DLGAP1: variants seen among roughly 807,000 people sequenced by gnomAD.
The protein encoded by DLGAP1 is disks large-associated protein 1.
A neutral mutation model predicts 90.8 loss-of-function variants in DLGAP1; 11 were observed. The ratio of observed to expected loss-of-function variants is 0.12; its 90% CI spans 0.08 to 0.20. The LOEUF (loss-of-function observed/expected upper bound fraction) is 0.20, where lower values mean the gene tolerates loss of function less well. Ranked by LOEUF, DLGAP1 falls within the 10% of genes least tolerant of loss-of-function variation. The pLI, the probability that DLGAP1 is intolerant of heterozygous loss-of-function variation, is 1.00. For synonymous variants in DLGAP1, 558 were observed against 540.7 expected (o/e 1.03, Z -0.44); for missense variants, 1,050 against 1,333.8 (o/e 0.79, Z 3.31).
At chr18:4,013,166 T>C (rs2149099156) in intron 2 of DLGAP1, among the ~76,000 whole-genome samples, 1 of 152,346 alleles carries the variant, frequency 6.6e-6, no homozygotes, top group Non-Finnish European at 1.5e-5. Flanking sequence ...AGCCCTAGTG[T>C]GTCTTGTGCT....
At chr18:4,350,581 T>G (rs1490707048) in intron 1 of DLGAP1, among the ~76,000 whole-genome samples, 1 of 152,160 alleles carries the variant, frequency 6.6e-6, no homozygotes, top group African/African-American at 2.4e-5. Flanking sequence ...GACTCTTCCG[T>G]TCACCAATAT....
intron 5 of DLGAP1, among the ~76,000 whole-genome samples, chr18:3,799,816 G>A (rs116037551): frequency 2.6e-5 from 4 of 152,174 alleles, no homozygotes; most frequent in Non-Finnish European, 4.4e-5. Flanking sequence ...CCTCCCTCCC[G>A]CTAATACTCC....
intron 1 of DLGAP1, among the ~76,000 whole-genome samples, chr18:4,344,459 A>G (rs980748897): frequency 4.6e-5 from 7 of 152,344 alleles, no homozygotes; most frequent in East Asian, 3.9e-4. Context: ...TGTCATCTCA[A>G]CTATAATTTG....
chr18:4,171,235 T>G (rs1376782532), intron 1 of DLGAP1, among the ~76,000 whole-genome samples: 2 of 152,048 alleles, frequency 1.3e-5, no homozygotes, highest in Non-Finnish European at 2.9e-5. Context: ...TCTTTAATTG[T>G]TAAAGATAGA....
chr18:3,821,574 A>G lies in DLGAP1; in HGVS notation c.958-7301T>C, dbSNP rs112312641. The stretch of plus-strand genomic sequence containing the variant: ...TCTAGCACTGCTAAAAGAGGGTTCA[A>G]AATAATAAACACTTAATTCTGAAGT... On this transcript the variant is annotated intron_variant, in intron 4 of 12. Coordinates refer to ENST00000315677, the MANE Select transcript of DLGAP1 (RefSeq NM_004746.4). 1.6e-3 allele frequency among the ~76,000 whole-genome samples: 245 copies of G among 152,334 alleles called. 3 individuals are homozygous for G. The highest frequency in any genetic ancestry group is 5.7e-3 in the African/African-American group (239 of 41,578).
intron 7 of DLGAP1, among the ~76,000 whole-genome samples, chr18:3,644,215 G>C (rs1056557767): frequency 6.6e-6 from 1 of 152,092 alleles, no homozygotes; most frequent in South Asian, 2.1e-4. Flanking sequence ...CCTGCAAAAC[G>C]AACATCACAG....
At chr18:3,833,191 TTCC>T in intron 4 of DLGAP1, among the ~76,000 whole-genome samples, 1 of 98,506 alleles carries the variant, frequency 1.0e-5, no homozygotes, top group African/African-American at 3.9e-5. Flanking sequence ...CCTTCCTTCC[TTCC>T]TTCCTTCCTT....
chr18:4,167,048 TAATA>T (rs1487614442), intron 1 of DLGAP1, among the ~76,000 whole-genome samples: 4 of 152,044 alleles, frequency 2.6e-5, no homozygotes, highest in African/African-American at 9.7e-5. Context: ...TATTTTACCA[TAATA>T]AATAGACACT....
chr18:4,322,091 A>C (rs999798779), intron 1 of DLGAP1, among the ~76,000 whole-genome samples: 2 of 151,880 alleles, frequency 1.3e-5, no homozygotes, highest in East Asian at 3.9e-4. Flanking sequence ...TCCCAGCTAC[A>C]TGGGAGGCTG....
At chr18:3,986,388 C>A (rs1191536479) in intron 3 of DLGAP1, 1 of 150,416 alleles carries the variant, frequency 6.6e-6, no homozygotes, top group Non-Finnish European at 1.5e-5. Context: ...CCACTCGCAT[C>A]TTTTTAAAAT....
chr18:3,926,421 T>TACAC (rs1333605478), intron 3 of DLGAP1, among the ~76,000 whole-genome samples: 3 of 129,620 alleles, frequency 2.3e-5, no homozygotes, highest in African/African-American at 8.4e-5. Flanking sequence ...TATATATATA[T>TACAC]ACACACACAC....
chr18:3,729,367 C>A lies in DLGAP1; in HGVS notation c.1359G>T (p.Glu453Asp). The change falls in exon 7 of 13, where the codon GAG becomes GAT. Residue 453 changes from glutamate to aspartate, a missense_variant. Physicochemically the swap from Glu to Asp is conservative, Grantham distance 45. Transcript: ENST00000315677. The surrounding 1 kb of genome is among the most constrained non-coding windows in gnomAD (Gnocchi z 6.2). Reference sequence around the variant, plus strand: ...ACTCGAACTGCCCGTTCACTTCCATCTCGCTCACCTGCGGGCAGACACAGG... The same window carrying A: ...ACTCGAACTGCCCGTTCACTTCCATATCGCTCACCTGCGGGCAGACACAGG... ...RAMSTISQVS[E>D]MEVNGQFESV... 1 of 1,611,710 alleles carries A rather than the reference C, an allele frequency of 6.2e-7. No homozygotes were observed. The highest frequency in any genetic ancestry group is 8.5e-7 in the Non-Finnish European group (1 of 1,178,164).
intron 5 of DLGAP1, among the ~76,000 whole-genome samples, chr18:3,802,746 C>T (rs1490298735): frequency 6.6e-6 from 1 of 152,140 alleles, no homozygotes; most frequent in Non-Finnish European, 1.5e-5. Context: ...GAGACAGAGC[C>T]TTATAGCTCT....
At chr18:4,163,433 C>T (rs1389766138) in intron 1 of DLGAP1, among the ~76,000 whole-genome samples, 2 of 152,182 alleles carry the variant, frequency 1.3e-5, no homozygotes, top group African/African-American at 4.8e-5. Flanking sequence ...AAAGGTGTTC[C>T]AGGTAGCAGA....
chr18:3,564,524 A>G (rs2054325695), intron 9 of DLGAP1, among the ~76,000 whole-genome samples: 1 of 152,170 alleles, frequency 6.6e-6, no homozygotes, highest in Non-Finnish European at 1.5e-5. Context: ...AAGTGCTGGC[A>G]TATTTCAAAG....
At chr18:3,747,346 C>G (rs2063313738) in intron 5 of DLGAP1, among the ~76,000 whole-genome samples, 1 of 152,120 alleles carries the variant, frequency 6.6e-6, no homozygotes, top group Non-Finnish European at 1.5e-5. Flanking sequence ...CTTTATAATA[C>G]CAATGCCAAA....
intron 1 of DLGAP1, among the ~76,000 whole-genome samples, chr18:4,286,815 A>G (rs2079706351): frequency 6.6e-6 from 1 of 152,178 alleles, no homozygotes; most frequent in South Asian, 2.1e-4. Context: ...AGGATCTTAA[A>G]AGAAAAAAGA....
intron 1 of DLGAP1, among the ~76,000 whole-genome samples, chr18:4,442,389 TACTC>T (rs1296989214): frequency 2.6e-5 from 4 of 152,344 alleles, no homozygotes; most frequent in East Asian, 3.9e-4. Context: ...CAAAAAAATA[TACTC>T]ACTATTATTT....
chr18:4,166,621 A>T (rs1459110384), intron 1 of DLGAP1, among the ~76,000 whole-genome samples: 2 of 152,232 alleles, frequency 1.3e-5, no homozygotes, highest in Non-Finnish European at 1.5e-5. Flanking sequence ...AGCAGCATTA[A>T]TTCACCGTAG....
Sources: gnomAD v4.1 joint callset for allele counts (sites outside exome capture counted in the v4.1 genomes callset) on GRCh38, gnomAD v4.1.1 for gene constraint, Gnocchi (gnomAD v3.1) non-coding constraint, MANE v1.5 for transcripts, NCBI Gene and HGNC (gene_info 2026-07-23, HGNC 2026-07-21) for gene names.